RASSF3: variants seen among roughly 807,000 people sequenced by gnomAD.
RASSF3 encodes ras association domain-containing protein 3.
Under a neutral mutation model 19.9 loss-of-function variants are expected in RASSF3, and 19 were observed. The ratio of observed to expected loss-of-function variants is 0.96; its 90% CI spans 0.67 to 1.40. The LOEUF is 1.40. Ranked by LOEUF, RASSF3 falls within the 40% of genes most tolerant of loss-of-function variation. The probability of loss-of-function intolerance (pLI) is 0.00; values close to 1 mark genes in which losing one functional copy is unlikely to be tolerated. For synonymous variants in RASSF3, 110 were observed against 104.2 expected, an observed-to-expected ratio of 1.06 and a Z score of -0.34; for missense variants, 306 against 289.8, an observed-to-expected ratio of 1.06 and a Z score of -0.41.
In RASSF3 at chr12:64,642,928, C is replaced by T. The variant is rs974164011; in HGVS notation, c.111+32185C>T. 5.3e-5 allele frequency among the ~76,000 whole-genome samples: 8 copies of T among 150,548 alleles called. No homozygotes were observed. The South Asian group carries it at 1.0e-3, about 20-fold the overall frequency. ...TTGCCCAAGCTGGAATGCAGTGGTACGATCTCAGCTCACTGCAACCTCCGC... is the reference window on the plus strand; with the variant it reads ...TTGCCCAAGCTGGAATGCAGTGGTATGATCTCAGCTCACTGCAACCTCCGC... On this transcript the variant is annotated intron_variant, in intron 1 of 4. Transcript: ENST00000542104.
chr12:64,530,557 A>G (rs73315571), upstream of RASSF3, among the ~76,000 whole-genome samples: 3,782 of 152,286 alleles, frequency 0.025, 147 homozygotes, highest in African/African-American at 0.086. Context: ...TTGTATGGGC[A>G]TATGCTTTCC....
chr12:64,579,825 TTA>T (rs1491071906), intron 2 of RASSF3, among the ~76,000 whole-genome samples: 11 of 149,694 alleles, frequency 7.3e-5, no homozygotes, highest in African/African-American at 2.5e-4. Flanking sequence ...TTTTTTTTTT[TTA>T]AAGACAGAGT....
chr12:64,595,775 A>G (rs1869990441), intron 2 of RASSF3, among the ~76,000 whole-genome samples: 1 of 152,170 alleles, frequency 6.6e-6, no homozygotes, highest in Non-Finnish European at 1.5e-5. Context: ...AGGGTTTCAG[A>G]AGCAGCCTAA....
chr12:64,539,550 C>T (rs115304675), intron 1 of RASSF3, among the ~76,000 whole-genome samples: 4,009 of 152,086 alleles, frequency 0.026, 144 homozygotes, highest in African/African-American at 0.078. Flanking sequence ...GCCAAGGGGG[C>T]GGATCACTTG....
At chr12:64,553,587 G>A (rs1305639219) in intron 2 of RASSF3, among the ~76,000 whole-genome samples, 1 of 152,168 alleles carries the variant, frequency 6.6e-6, no homozygotes, top group Non-Finnish European at 1.5e-5. Flanking sequence ...TGGATGTCAG[G>A]CAACCTGACT....
At chr12:64,694,630 T>G in intron 4 of RASSF3, 133 bp from the exon 5 acceptor site, 2 of 967,610 alleles carry the variant, frequency 2.1e-6, no homozygotes, top group Non-Finnish European at 3.1e-6. Context: ...ACCCCAGCTC[T>G]TGCAGACCAC....
chr12:64,598,476 T>C (rs1870032001), intron 2 of RASSF3, among the ~76,000 whole-genome samples: 1 of 152,214 alleles, frequency 6.6e-6, no homozygotes, highest in African/African-American at 2.4e-5. Context: ...TGGATGTAGC[T>C]ATAGCTATGG....
chr12:64,568,264 C>T (rs539115757), intron 2 of RASSF3, among the ~76,000 whole-genome samples: 5 of 152,166 alleles, frequency 3.3e-5, no homozygotes, highest in Admixed American at 2.0e-4. Context: ...AACTCCTGAC[C>T]TCAGATGATC....
chr12:64,636,158 C>G (rs1371224696), intron 1 of RASSF3, among the ~76,000 whole-genome samples: 1 of 151,512 alleles, frequency 6.6e-6, no homozygotes, highest in East Asian at 1.9e-4. Context: ...ACTCTGTTGC[C>G]CAGGTTAGAG....
intron 1 of RASSF3, among the ~76,000 whole-genome samples, chr12:64,625,458 T>TA (rs1870954398): frequency 6.6e-6 from 1 of 152,034 alleles, no homozygotes; most frequent in Admixed American, 6.6e-5. Flanking sequence ...TTTTTTTTTT[T>TA]TAAACTTCCT....
At chr12:64,561,979 G>A (rs1373251976) in intron 2 of RASSF3, among the ~76,000 whole-genome samples, 3 of 143,072 alleles carry the variant, frequency 2.1e-5, no homozygotes, top group Admixed American at 2.1e-4. Context: ...CACTGTGCAT[G>A]GCCCATAGTA....
intron 2 of RASSF3, among the ~76,000 whole-genome samples, chr12:64,567,471 C>CCA (rs1869449604): frequency 6.6e-6 from 1 of 152,148 alleles, no homozygotes. Context: ...ATGCTGCTGG[C>CCA]CACTCTCAGC....
chr12:64,662,062 G>GGA (rs1238079166), intron 1 of RASSF3, among the ~76,000 whole-genome samples: 5 of 151,690 alleles, frequency 3.3e-5, no homozygotes, highest in South Asian at 2.1e-4. Context: ...AGACAAAAAT[G>GGA]GAGAGAGAGA....
intron 2 of RASSF3, among the ~76,000 whole-genome samples, chr12:64,559,898 A>G (rs1408306545): frequency 6.6e-6 from 1 of 151,950 alleles, no homozygotes; most frequent in Non-Finnish European, 1.5e-5. Context: ...TTTTTTCCCT[A>G]TCAGGCCCAG....
At chr12:64,682,342 C>T (rs1182906461) in intron 1 of RASSF3, among the ~76,000 whole-genome samples, 3 of 152,066 alleles carry the variant, frequency 2.0e-5, no homozygotes, top group African/African-American at 7.2e-5. Context: ...GAGGCCGAGG[C>T]GGGCGGATCA....
At chr12:64,562,801 T>C (rs919527033) in intron 2 of RASSF3, among the ~76,000 whole-genome samples, 3 of 151,998 alleles carry the variant, frequency 2.0e-5, no homozygotes, top group African/African-American at 4.8e-5. Flanking sequence ...TTTTTAAAAA[T>C]ATATTTTGTA....
chr12:64,581,119 AAAAG>A (rs1489405304), intron 2 of RASSF3, among the ~76,000 whole-genome samples: 1 of 152,026 alleles, frequency 6.6e-6, no homozygotes, highest in Non-Finnish European at 1.5e-5. Context: ...GTAAAAAAAA[AAAAG>A]AGAGAGAGAG....
intron 2 of RASSF3, among the ~76,000 whole-genome samples, chr12:64,579,846 G>A (rs1373535477): frequency 7.1e-6 from 1 of 141,582 alleles, no homozygotes; most frequent in Non-Finnish European, 1.5e-5. Flanking sequence ...GTATCGCTCT[G>A]TTGCCCAGGC....
At chr12:64,684,077 T>C (rs977269433) in intron 1 of RASSF3, among the ~76,000 whole-genome samples, 1 of 148,396 alleles carries the variant, frequency 6.7e-6, no homozygotes, top group Non-Finnish European at 1.5e-5. Context: ...TCTTCTTGTG[T>C]GGTTGTAATT....
Sources: allele counts gnomAD v4.1 joint callset (sites outside exome capture counted in the v4.1 genomes callset), GRCh38; gene constraint gnomAD v4.1.1; transcripts MANE v1.5; gene names NCBI Gene and HGNC (gene_info 2026-07-23, HGNC 2026-07-21).